Variants in FAM227A observed in about 807,000 individuals in gnomAD.
The protein encoded by FAM227A is protein FAM227A.
FAM227A carries 80 observed loss-of-function variants against 74.7 expected under a neutral mutation model. The ratio of observed to expected loss-of-function variants is 1.07; its 90% CI spans 0.89 to 1.29. FAM227A has a LOEUF of 1.29. Ranked by LOEUF, FAM227A falls within the 50% of genes most tolerant of loss-of-function variation. The probability of loss-of-function intolerance (pLI) is 0.00; values close to 1 mark genes in which losing one functional copy is unlikely to be tolerated. For missense variants in FAM227A, 654 were observed against 683.4 expected, an observed-to-expected ratio of 0.96 and a Z score of 0.48; for synonymous variants, 237 against 241.8, an observed-to-expected ratio of 0.98 and a Z score of 0.19.
chr22:38,628,216 C>G, intron 8 of FAM227A, 22 bp downstream of exon 8: 1 of 1,401,624 alleles, frequency 7.1e-7, no homozygotes. Flanking sequence ...GACTTTTTTT[C>G]TAGATAGTGG....
At chr22:38,629,235 T>C (rs1269896665) in intron 6 of FAM227A, among the ~76,000 whole-genome samples, 1 of 152,110 alleles carries the variant, frequency 6.6e-6, no homozygotes, top group Admixed American at 6.6e-5. Flanking sequence ...CCTCCTACAC[T>C]CAGCCAACAG....
chr22:38,634,020 A>T (rs2091958323), intron 6 of FAM227A, among the ~76,000 whole-genome samples: 2 of 151,826 alleles, frequency 1.3e-5, no homozygotes, highest in Admixed American at 6.6e-5. Flanking sequence ...GGAGTTCAAG[A>T]CCAGCTTGGC....
chr22:38,605,241 A>G lies in FAM227A; in HGVS notation c.1221+13T>C, dbSNP rs1569199178. 1.4e-6 allele frequency: 2 copies of G among 1,477,800 alleles called. No homozygotes were observed. The highest frequency in any genetic ancestry group is 1.2e-5 in the South Asian group (1 of 82,534). 91.5% of individuals were successfully genotyped at this position (1,477,800 alleles called of 1,614,324 possible). ...AATCACCTTTACTATTAAATTTCCA[A>G]TCATGTGCTCACCTTTTTAGGAAAC... On this transcript the variant is annotated intron_variant, in intron 13 of 16. Transcript: ENST00000535113.
intron 6 of FAM227A, among the ~76,000 whole-genome samples, chr22:38,635,759 G>A (rs1346085315): frequency 6.6e-6 from 1 of 152,184 alleles, no homozygotes; most frequent in Non-Finnish European, 1.5e-5. Context: ...TTGGGAGGCC[G>A]AGGATGGGGA....
At chr22:38,651,504 G>T (rs536894229) in intron 1 of FAM227A, among the ~76,000 whole-genome samples, 1 of 152,058 alleles carries the variant, frequency 6.6e-6, no homozygotes, top group African/African-American at 2.4e-5. Flanking sequence ...GCGACTACAG[G>T]TACCTGCCAC....
At chr22:38,590,757 A>G (rs1362320796) in intron 16 of FAM227A, among the ~76,000 whole-genome samples, 1 of 152,136 alleles carries the variant, frequency 6.6e-6, no homozygotes, top group Non-Finnish European at 1.5e-5. Flanking sequence ...TAAAACTAAA[A>G]TGAGAGTGGT....
At chr22:38,622,004 TG>T (rs1473673679) in intron 10 of FAM227A, among the ~76,000 whole-genome samples, 3 of 151,904 alleles carry the variant, frequency 2.0e-5, no homozygotes, top group Admixed American at 6.6e-5. Flanking sequence ...AGGTTGGAGG[TG>T]GAACTCTACT....
chr22:38,583,139 G>C lies in FAM227A; in HGVS notation c.*2986C>G, dbSNP rs565316447. On this transcript the variant is annotated 3_prime_UTR_variant, in exon 17 of 17. Transcript: ENST00000535113. ...CCACATGGTGCCTTGTACTCGGCAG[G>C]TGCTCACACGTTCTGGTTTCAGAAG... 5.2e-6 allele frequency: 3 copies of C among 571,580 alleles called. No homozygotes were observed. Among genetic ancestry groups the C allele is most frequent in the Non-Finnish European group, 9.1e-6 (3 of 330,098 alleles). The allele number at this position is 571,580 out of a possible 1,614,324, so 35.4% of individuals were successfully genotyped here.
At chr22:38,606,834 C>T (rs1249221402) in intron 12 of FAM227A, among the ~76,000 whole-genome samples, 5 of 152,134 alleles carry the variant, frequency 3.3e-5, no homozygotes, top group African/African-American at 1.2e-4. Context: ...AACCTCTCTT[C>T]CCCACAGATA....
At chr22:38,597,387 C>G in intron 14 of FAM227A, 31 bp from the exon 15 acceptor site, 1 of 1,549,532 alleles carries the variant, frequency 6.5e-7, no homozygotes, top group South Asian at 1.2e-5. Flanking sequence ...AATCCCCGTA[C>G]TGTGGAACTG....
intron 6 of FAM227A, among the ~76,000 whole-genome samples, chr22:38,631,836 C>A (rs1398637119): frequency 6.6e-6 from 1 of 152,096 alleles, no homozygotes; most frequent in Non-Finnish European, 1.5e-5. Flanking sequence ...TAGAAAGATC[C>A]CTGGTGGCAG....
chr22:38,582,442 T>C lies in FAM227A; in HGVS notation c.*3683A>G, dbSNP rs1181936134. The C allele has an allele frequency of 6.5e-7, 1 of 1,546,738 alleles. No individual in the cohort carries two copies. Among genetic ancestry groups the C allele is most frequent in the Non-Finnish European group, 8.7e-7 (1 of 1,144,016 alleles). On this transcript the variant is annotated 3_prime_UTR_variant, in exon 17 of 17. Transcript: ENST00000535113. ...TTAGAATATCATACAATTACTCATT[T>C]GCTTTATCCCACATTACAGCAAATG...
chr22:38,651,485 C>T (rs938629800), intron 1 of FAM227A, among the ~76,000 whole-genome samples: 3 of 152,014 alleles, frequency 2.0e-5, no homozygotes, highest in Non-Finnish European at 2.9e-5. Flanking sequence ...TCAAGCCTCC[C>T]GTGTAGCTGC....
intron 2 of FAM227A, among the ~76,000 whole-genome samples, chr22:38,648,499 T>C (rs1025651112): frequency 8.6e-5 from 13 of 150,968 alleles, no homozygotes; most frequent in African/African-American, 3.2e-4. Context: ...CCCAGCTACC[T>C]GGGAGGCTGA....
In FAM227A at chr22:38,585,589, C is replaced by A. The variant is rs1227585091; in HGVS notation, c.*536G>T. On this transcript the variant is annotated 3_prime_UTR_variant, in exon 17 of 17. Transcript: ENST00000535113. ...TACAAAAAATTGCACTCCTCTAGGC[C>A]CATTTTCCTTTTCCCTCACAACACT... 6.4e-6 allele frequency: 1 copy of A among 155,460 alleles called. No individual in the cohort carries two copies. The highest frequency in any genetic ancestry group is 2.4e-5 in the African/African-American group (1 of 41,428). The allele number at this position is 155,460 out of a possible 1,614,324, so 9.6% of individuals were successfully genotyped here. A position where few individuals can be genotyped will look rare whatever the true frequency, so the allele number is the denominator to read the frequency against.
chr22:38,640,926 T>TG (rs61603422), intron 3 of FAM227A, among the ~76,000 whole-genome samples: 39 of 151,800 alleles, frequency 2.6e-4, no homozygotes, highest in Middle Eastern at 3.4e-3. Flanking sequence ...GTGCCAGTGG[T>TG]GGGGGGGCGG....
intron 6 of FAM227A, among the ~76,000 whole-genome samples, chr22:38,635,333 TAG>T (rs1350391404): frequency 2.7e-5 from 4 of 148,294 alleles, no homozygotes; most frequent in Admixed American, 2.7e-4. Context: ...GAACTACAGG[TAG>T]AACAGACTGA....
At chr22:38,616,417 C>T (rs917081131) in intron 11 of FAM227A, among the ~76,000 whole-genome samples, 1 of 152,062 alleles carries the variant, frequency 6.6e-6, no homozygotes, top group Non-Finnish European at 1.5e-5. Flanking sequence ...AATCCCAGCA[C>T]TTTGGGAGGC....
At chr22:38,612,398 CTCTT>C (rs1394069448) in intron 11 of FAM227A, among the ~76,000 whole-genome samples, 1 of 152,292 alleles carries the variant, frequency 6.6e-6, no homozygotes, top group East Asian at 1.9e-4. Context: ...AACACTCGAG[CTCTT>C]TTTTTTCGCC....
Sources: gnomAD v4.1 joint callset for allele counts (sites outside exome capture counted in the v4.1 genomes callset) on GRCh38, gnomAD v4.1.1 for gene constraint, MANE v1.5 for transcripts, NCBI Gene and HGNC (gene_info 2026-07-23, HGNC 2026-07-21) for gene names.